Variants in SYNJ2BP observed in about 807,000 individuals in gnomAD.
The protein encoded by SYNJ2BP is synaptojanin 2 binding protein.
SYNJ2BP carries 10 observed loss-of-function variants against 16.9 expected under a neutral mutation model. The observed-to-expected ratio is 0.59, with a 90% CI of 0.36 to 1.00. The LOEUF (loss-of-function observed/expected upper bound fraction) is 1.00. Ranked by LOEUF, SYNJ2BP falls within the 50% of genes least tolerant of loss-of-function variation. SYNJ2BP has a pLI of 0.01. For synonymous variants in SYNJ2BP, 54 were observed against 68.4 expected, an observed-to-expected ratio of 0.79 and a Z score of 1.04; for missense variants, 162 against 186.7, an observed-to-expected ratio of 0.87 and a Z score of 0.77.
In SYNJ2BP at chr14:70,371,537, G is replaced by A. The variant is rs1887518368; in HGVS notation, c.*1454C>T. 6.6e-6 allele frequency: 1 copy of A among 152,274 alleles called. No homozygotes were observed. The allele number at this position is 152,274 out of a possible 1,614,324, so 9.4% of individuals were successfully genotyped here. A position where few individuals can be genotyped will look rare whatever the true frequency, so the allele number is the denominator to read the frequency against. Reference sequence around the variant, plus strand: ...TGGTTCAAACAGTTCTCCTGCCTCAGCCTCCTGAGTAGCTGGAATTACAGG... The same window carrying A: ...TGGTTCAAACAGTTCTCCTGCCTCAACCTCCTGAGTAGCTGGAATTACAGG... On this transcript the variant is annotated 3_prime_UTR_variant, in exon 4 of 4. Coordinates refer to ENST00000256366, the MANE Select transcript of SYNJ2BP (RefSeq NM_018373.3).
intron 1 of SYNJ2BP, among the ~76,000 whole-genome samples, chr14:70,401,577 C>T (rs1888238661): frequency 7.5e-6 from 1 of 132,832 alleles, no homozygotes. Flanking sequence ...ATGTTTGATA[C>T]CTTGAGTCTT....
intron 2 of SYNJ2BP, among the ~76,000 whole-genome samples, chr14:70,382,948 CAT>C (rs79284493): frequency 0.054 from 8,196 of 152,182 alleles, 283 homozygotes; most frequent in Middle Eastern, 0.11. Flanking sequence ...AATGTAGAGA[CAT>C]AGAGAAAGAA....
intron 1 of SYNJ2BP, among the ~76,000 whole-genome samples, chr14:70,405,983 C>T (rs2140865915): frequency 6.6e-6 from 1 of 152,268 alleles, no homozygotes; most frequent in East Asian, 1.9e-4. Flanking sequence ...TCTTGTGATC[C>T]TGTTTAGATT....
intron 2 of SYNJ2BP, among the ~76,000 whole-genome samples, chr14:70,380,578 C>T (rs970334296): frequency 1.3e-5 from 2 of 151,184 alleles, no homozygotes; most frequent in African/African-American, 4.9e-5. Context: ...AGAAGAATCA[C>T]TTGAACACAG....
At chr14:70,382,149 T>C (rs1887764926) in intron 2 of SYNJ2BP, among the ~76,000 whole-genome samples, 1 of 152,154 alleles carries the variant, frequency 6.6e-6, no homozygotes, top group Non-Finnish European at 1.5e-5. Flanking sequence ...GGCAGGAGAA[T>C]GGAGTGAACC....
At chr14:70,381,177 C>G (rs1887741325) in intron 2 of SYNJ2BP, among the ~76,000 whole-genome samples, 1 of 152,150 alleles carries the variant, frequency 6.6e-6, no homozygotes, top group South Asian at 2.1e-4. Flanking sequence ...TAATCCTGCC[C>G]CTCCATCTGA....
intron 1 of SYNJ2BP, among the ~76,000 whole-genome samples, chr14:70,395,860 C>T (rs1169292043): frequency 6.6e-6 from 1 of 152,160 alleles, no homozygotes; most frequent in Non-Finnish European, 1.5e-5. Flanking sequence ...ATTCTAGGTA[C>T]CCCATATAAG....
At chr14:70,402,208 T>C (rs1888254526) in intron 1 of SYNJ2BP, among the ~76,000 whole-genome samples, 3 of 152,218 alleles carry the variant, frequency 2.0e-5, no homozygotes, top group African/African-American at 4.8e-5. Context: ...GAGATTACTT[T>C]GTACTGTGAA....
At chr14:70,399,663 T>G (rs926369573) in intron 1 of SYNJ2BP, among the ~76,000 whole-genome samples, 1 of 151,462 alleles carries the variant, frequency 6.6e-6, no homozygotes, top group Non-Finnish European at 1.5e-5. Flanking sequence ...CTGCCATGAA[T>G]TCCCCCTCTG....
intron 1 of SYNJ2BP, among the ~76,000 whole-genome samples, chr14:70,409,509 C>T (rs974197024): frequency 1.3e-5 from 2 of 152,144 alleles, no homozygotes; most frequent in African/African-American, 4.8e-5. Context: ...ATCAGCTTGC[C>T]TTTCTATTTC....
chr14:70,374,577 A>G (rs1222547692), intron 3 of SYNJ2BP, among the ~76,000 whole-genome samples: 1 of 152,210 alleles, frequency 6.6e-6, no homozygotes, highest in Non-Finnish European at 1.5e-5. Flanking sequence ...TTACATCATC[A>G]TCCAAATTAT....
At chr14:70,412,452 AGTAT>A (rs754896993) in intron 1 of SYNJ2BP, among the ~76,000 whole-genome samples, 1 of 146,488 alleles carries the variant, frequency 6.8e-6, no homozygotes, top group African/African-American at 2.5e-5. Context: ...AGATTAAATG[AGTAT>A]GTATGTATGT....
At chr14:70,386,031 C>T (rs1178105596) in intron 2 of SYNJ2BP, among the ~76,000 whole-genome samples, 1 of 152,160 alleles carries the variant, frequency 6.6e-6, no homozygotes, top group East Asian at 1.9e-4. Flanking sequence ...TACGTTTAAC[C>T]AAAGCTTTTA....
chr14:70,399,417 C>T (rs1269966757), intron 1 of SYNJ2BP, among the ~76,000 whole-genome samples: 4 of 152,238 alleles, frequency 2.6e-5, no homozygotes, highest in African/African-American at 9.6e-5. Flanking sequence ...CCTGCCTCCT[C>T]CCCACACTCT....
chr14:70,402,380 C>A (rs2140860824), intron 1 of SYNJ2BP, among the ~76,000 whole-genome samples: 1 of 152,150 alleles, frequency 6.6e-6, no homozygotes, highest in South Asian at 2.1e-4. Flanking sequence ...GGCTTAATGT[C>A]TTTGTAGTGA....
Position 70,368,495 on chromosome 14 carries a change from C to T in SYNJ2BP, c.*4496G>A, listed in dbSNP as rs1261815124. On this transcript the variant is annotated 3_prime_UTR_variant, in exon 4 of 4. Coordinates refer to ENST00000256366, the MANE Select transcript of SYNJ2BP (RefSeq NM_018373.3). ...ATTTTTCTCATCTCTAAGACAGATT[C>T]ATCCTAGAAGCTCTCTGGTCCTTTT... 6.6e-6 allele frequency: 1 copy of T among 152,214 alleles called. No homozygotes were observed. Among genetic ancestry groups the T allele is most frequent in the Non-Finnish European group, 1.5e-5 (1 of 68,044 alleles). 9.4% of individuals were successfully genotyped at this position (152,214 alleles called of 1,614,324 possible).
At chr14:70,416,875 C>T in intron 1 of SYNJ2BP, 25 bp downstream of exon 1, 1 of 1,614,042 alleles carries the variant, frequency 6.2e-7, no homozygotes, top group Non-Finnish European at 8.5e-7. Flanking sequence ...CCCCTACTGT[C>T]AGATATGACC....
At chr14:70,375,258 G>A (rs899665607) in intron 3 of SYNJ2BP, among the ~76,000 whole-genome samples, 1 of 147,838 alleles carries the variant, frequency 6.8e-6, no homozygotes, top group African/African-American at 2.5e-5. Flanking sequence ...CTGGAGTATA[G>A]TGGTATGATC....
At chr14:70,399,043 G>A (rs143820095) in intron 1 of SYNJ2BP, among the ~76,000 whole-genome samples, 1,656 of 152,212 alleles carry the variant, frequency 0.011, 27 homozygotes, top group African/African-American at 0.037. Context: ...ATGCGGCCCC[G>A]CGGAGGCTGC....
Sources: allele counts gnomAD v4.1 joint callset (sites outside exome capture counted in the v4.1 genomes callset), GRCh38; gene constraint gnomAD v4.1.1; transcripts MANE v1.5; gene names NCBI Gene and HGNC (gene_info 2026-07-23, HGNC 2026-07-21).